WDR72: variants seen among roughly 807,000 people sequenced by gnomAD.
The protein encoded by WDR72 is WD repeat domain 72.
In WDR72, 120 loss-of-function variants were observed where a neutral mutation model predicts 124.2. That is an observed-to-expected ratio of 0.97 (90% CI 0.83 to 1.12). The LOEUF (loss-of-function observed/expected upper bound fraction) is 1.12, where lower values mean the gene tolerates loss of function less well. Ranked by LOEUF, WDR72 falls within the 50% of genes most tolerant of loss-of-function variation. WDR72 has a pLI of 0.00. For missense variants in WDR72, 1,387 were observed against 1,278.8 expected, an observed-to-expected ratio of 1.08 and a Z score of -1.29; for synonymous variants, 452 against 441.7, an observed-to-expected ratio of 1.02 and a Z score of -0.29.
intron 1 of WDR72, among the ~76,000 whole-genome samples, chr15:53,737,632 A>G (rs909758050): frequency 6.6e-6 from 1 of 152,186 alleles, no homozygotes; most frequent in Admixed American, 6.5e-5. Context: ...GATACTCAAC[A>G]GCAGAGTCTC....
intron 18 of WDR72, among the ~76,000 whole-genome samples, chr15:53,593,404 T>C (rs1254494861): frequency 2.0e-5 from 3 of 152,058 alleles, no homozygotes. Flanking sequence ...TTTGTGTCTG[T>C]AGGCAAGACA....
At chr15:53,521,498 A>G (rs1322736439) in intron 19 of WDR72, among the ~76,000 whole-genome samples, 4 of 152,134 alleles carry the variant, frequency 2.6e-5, no homozygotes, top group African/African-American at 9.7e-5. Flanking sequence ...TATTACCAGC[A>G]TAATGATGTC....
At chr15:53,646,639 C>T (rs1025969173) in intron 14 of WDR72, among the ~76,000 whole-genome samples, 1 of 152,228 alleles carries the variant, frequency 6.6e-6, no homozygotes, top group Non-Finnish European at 1.5e-5. Flanking sequence ...AGAACCACAA[C>T]CACAAGTGTG....
chr15:53,543,964 G>T (rs948063878), intron 18 of WDR72, among the ~76,000 whole-genome samples: 5 of 151,962 alleles, frequency 3.3e-5, no homozygotes, highest in African/African-American at 1.2e-4. Context: ...GAACCAGGAA[G>T]AAGTTGAATC....
At chr15:53,663,124 C>T (rs1482355813) in intron 14 of WDR72, among the ~76,000 whole-genome samples, 1 of 146,408 alleles carries the variant, frequency 6.8e-6, no homozygotes. Flanking sequence ...ATAAAACAAT[C>T]TCAACAGCCT....
At chr15:53,672,437 T>C (rs534701814) in intron 13 of WDR72, among the ~76,000 whole-genome samples, 1 of 152,288 alleles carries the variant, frequency 6.6e-6, no homozygotes, top group Admixed American at 6.5e-5. Context: ...TAAATCAGTA[T>C]GTTGCTAAAA....
Position 53,515,938 on chromosome 15 carries a change from T to C in WDR72, c.*1761A>G, listed in dbSNP as rs1891437400. On this transcript the variant is annotated 3_prime_UTR_variant, in exon 20 of 20. Coordinates refer to ENST00000360509, the MANE Select transcript of WDR72 (RefSeq NM_182758.4). ...TAAAAATGCCTCATTTGAGAGGACA[T>C]ACACTTATTTGATATTGCCATCCTT... 1 of 152,136 alleles carries C rather than the reference T, an allele frequency of 6.6e-6. No homozygotes were observed. The highest frequency in any genetic ancestry group is 6.6e-5 in the Admixed American group (1 of 15,266). The allele number at this position is 152,136 out of a possible 1,614,324, so 9.4% of individuals were successfully genotyped here.
upstream of WDR72, among the ~76,000 whole-genome samples, chr15:53,761,837 C>CAATCAAACAGAAAA (rs56685517): frequency 6.6e-6 from 1 of 151,902 alleles, no homozygotes; most frequent in Non-Finnish European, 1.5e-5. Context: ...AAAACAAAAA[C>CAATCAAACAGAAAA]CCAAAGCAGA....
intron 18 of WDR72, among the ~76,000 whole-genome samples, chr15:53,575,228 G>C (rs1446049094): frequency 6.6e-6 from 1 of 152,054 alleles, no homozygotes; most frequent in Non-Finnish European, 1.5e-5. Context: ...AAACTGTCAA[G>C]TCAGAAAACT....
At chr15:53,611,474 C>T (rs1232135391) in intron 16 of WDR72, among the ~76,000 whole-genome samples, 5 of 151,952 alleles carry the variant, frequency 3.3e-5, no homozygotes, top group South Asian at 2.1e-4. Flanking sequence ...TTCCCAGTTA[C>T]GAGTGCTAAA....
At chr15:53,543,404 T>C (rs912154633) in intron 18 of WDR72, among the ~76,000 whole-genome samples, 15 of 152,042 alleles carry the variant, frequency 9.9e-5, no homozygotes, top group Non-Finnish European at 2.2e-4. Context: ...TCTGGGTACA[T>C]AAGAAAATGA....
chr15:53,589,748 G>C (rs16966247), intron 18 of WDR72, among the ~76,000 whole-genome samples: 14,987 of 152,004 alleles, frequency 0.099, 898 homozygotes, highest in African/African-American at 0.16. Context: ...CTGGCATTCT[G>C]ACTGCTCATG....
chr15:53,743,314 C>A (rs973595585), intron 1 of WDR72, among the ~76,000 whole-genome samples: 1 of 151,780 alleles, frequency 6.6e-6, no homozygotes, highest in African/African-American at 2.4e-5. Context: ...GCAATTTATA[C>A]ATAACGATGA....
chr15:53,672,242 A>G (rs17549763), intron 13 of WDR72, among the ~76,000 whole-genome samples: 2,703 of 147,858 alleles, frequency 0.018, 33 homozygotes, highest in Non-Finnish European at 0.026. Flanking sequence ...GTGGAGTTCC[A>G]GGTAGAGATC....
At chr15:53,747,528 T>C in intron 1 of WDR72, among the ~76,000 whole-genome samples, 1 of 152,200 alleles carries the variant, frequency 6.6e-6, no homozygotes, top group Non-Finnish European at 1.5e-5. Context: ...AATGTGCAAA[T>C]TAATCTTTGA....
At chr15:53,549,874 C>G (rs1416679262) in intron 18 of WDR72, among the ~76,000 whole-genome samples, 1 of 152,132 alleles carries the variant, frequency 6.6e-6, no homozygotes, top group Non-Finnish European at 1.5e-5. Flanking sequence ...ATTCAGGTGC[C>G]TAAACCGAAG....
intron 12 of WDR72, among the ~76,000 whole-genome samples, chr15:53,700,931 A>G (rs572595515): frequency 6.6e-6 from 1 of 152,180 alleles, no homozygotes; most frequent in Non-Finnish European, 1.5e-5. Context: ...ACTTACATAC[A>G]TACACACACA....
At chr15:53,617,471 TAAA>T (rs2013814594) in intron 14 of WDR72, among the ~76,000 whole-genome samples, 1 of 151,274 alleles carries the variant, frequency 6.6e-6, no homozygotes, top group African/African-American at 2.4e-5. Context: ...TTTTCAATAA[TAAA>T]AAAGGAAAGT....
intron 11 of WDR72, among the ~76,000 whole-genome samples, chr15:53,703,086 G>GTT (rs200328000): frequency 6.6e-6 from 1 of 151,010 alleles, no homozygotes; most frequent in East Asian, 2.0e-4. Flanking sequence ...GCTAATTTTT[G>GTT]TTTTTTTTGC....
Sources: allele counts gnomAD v4.1 joint callset (sites outside exome capture counted in the v4.1 genomes callset), GRCh38; gene constraint gnomAD v4.1.1; transcripts MANE v1.5; gene names NCBI Gene and HGNC (gene_info 2026-07-23, HGNC 2026-07-21).